The following NT5DC1 variants were observed in gnomAD, a reference collection of about 807,000 sequenced individuals.
The protein encoded by NT5DC1 is 5'-nucleotidase domain containing 1.
Under a neutral mutation model 59.4 loss-of-function variants are expected in NT5DC1, and 42 were observed. The observed-to-expected ratio is 0.71, with a 90% CI of 0.55 to 0.92. The LOEUF is 0.92. NT5DC1 is among the 40% of genes least tolerant of loss of function. The pLI is 0.00. For synonymous variants in NT5DC1, 172 were observed against 188.1 expected, an observed-to-expected ratio of 0.91 and a Z score of 0.70; for missense variants, 501 against 537.1, an observed-to-expected ratio of 0.93 and a Z score of 0.66.
chr6:116,133,916 T>C lies in NT5DC1; in HGVS notation c.529+15971T>C, dbSNP rs183276238. On this transcript the variant is annotated intron_variant, in intron 6 of 11. Transcript: ENST00000319550. ...ATATACTATAGAGATATAATAACCA[T>C]TAATAGTGGTTTTTTTCCCCCAGTG... is the stretch of plus-strand genomic sequence containing the variant. 2.6e-3 allele frequency among the ~76,000 whole-genome samples: 395 copies of C among 152,304 alleles called. 10 individuals carry two copies. The South Asian group carries it at 0.043, about 17-fold the overall frequency.
intron 4 of NT5DC1, among the ~76,000 whole-genome samples, chr6:116,113,487 T>C (rs1473097201): frequency 6.6e-6 from 1 of 152,224 alleles, no homozygotes; most frequent in East Asian, 1.9e-4. Flanking sequence ...CAATGAGCTG[T>C]CTCTTCTATA....
At chr6:116,151,308 A>G (rs537250680) in intron 6 of NT5DC1, among the ~76,000 whole-genome samples, 1 of 152,338 alleles carries the variant, frequency 6.6e-6, no homozygotes, top group East Asian at 1.9e-4. Context: ...ACATTCATAC[A>G]TGCAAGTGCA....
chr6:116,220,987 G>A, intron 6 of NT5DC1, 67 bp from the exon 7 acceptor site: 1 of 764,630 alleles, frequency 1.3e-6, no homozygotes, highest in Non-Finnish European at 2.2e-6. Context: ...AGATTAACTT[G>A]TTAGAGAATA....
rs568455010 is a variant in NT5DC1 at position 116,237,668 on chromosome 6, A to G, written c.922-519A>G. 166 of 346,350 alleles carry G rather than the reference A, an allele frequency of 4.8e-4. 1 individual carries two copies. The highest frequency in any genetic ancestry group is 3.4e-3 in the African/African-American group (157 of 46,758). 21.5% of individuals were successfully genotyped at this position (346,350 alleles called of 1,614,324 possible). Reference sequence around the variant, plus strand: ...TGGACTCAATCAATGGAGTCCTCAGACTCCATTGCCTCAGACTACCTAGGG... The same window carrying G: ...TGGACTCAATCAATGGAGTCCTCAGGCTCCATTGCCTCAGACTACCTAGGG... On this transcript the variant is annotated intron_variant, in intron 9 of 11. Transcript: ENST00000319550.
In NT5DC1 at chr6:116,163,784, G is replaced by C. The variant is rs556484459; in HGVS notation, c.529+45839G>C. Among the ~76,000 whole-genome samples, 7 of 152,204 alleles carry C rather than the reference G, an allele frequency of 4.6e-5. No homozygotes were observed. The South Asian group carries it at 1.5e-3, about 32-fold the overall frequency. The stretch of plus-strand genomic sequence containing the variant: ...CTTTCCTCTTAACACTGCTTTTGCT[G>C]TATCCTAGATTTGATATGTTACATG... On this transcript the variant is annotated intron_variant, in intron 6 of 11. Coordinates refer to ENST00000319550, the MANE Select transcript of NT5DC1 (RefSeq NM_152729.3).
intron 8 of NT5DC1, among the ~76,000 whole-genome samples, chr6:116,224,128 A>T (rs1781863328): frequency 1.3e-5 from 2 of 152,154 alleles, no homozygotes; most frequent in South Asian, 4.1e-4. Flanking sequence ...CTACTTTCCC[A>T]TGGCCACACA....
intron 6 of NT5DC1, among the ~76,000 whole-genome samples, chr6:116,198,456 A>G (rs1455232377): frequency 6.6e-6 from 1 of 152,056 alleles, no homozygotes; most frequent in Non-Finnish European, 1.5e-5. Flanking sequence ...GTGGCTGGGT[A>G]TAGTGACTCA....
intron 6 of NT5DC1, chr6:116,121,290 C>T (rs374379874): frequency 1.2e-6 from 2 of 1,614,012 alleles, no homozygotes; most frequent in Non-Finnish European, 1.7e-6. Flanking sequence ...CCTGGAATCC[C>T]TGGCTGGCCT....
intron 6 of NT5DC1, among the ~76,000 whole-genome samples, chr6:116,182,388 C>G (rs1780903485): frequency 6.6e-6 from 1 of 152,012 alleles, no homozygotes; most frequent in South Asian, 2.1e-4. Flanking sequence ...TTCTTTTCCT[C>G]TGGGTAGATA....
intron 6 of NT5DC1, chr6:116,120,970 A>G (rs1554193096): frequency 1.2e-6 from 2 of 1,613,618 alleles, no homozygotes; most frequent in Non-Finnish European, 1.7e-6. Context: ...CATCTGACCC[A>G]GGGGAACCCC....
chr6:116,136,116 G>A (rs1197360612), intron 6 of NT5DC1, among the ~76,000 whole-genome samples: 1 of 151,982 alleles, frequency 6.6e-6, no homozygotes, highest in Non-Finnish European at 1.5e-5. Flanking sequence ...GCCCTTGGCA[G>A]CCACCATTCT....
chr6:116,150,349 G>A (rs562951229), intron 6 of NT5DC1, among the ~76,000 whole-genome samples: 1 of 152,092 alleles, frequency 6.6e-6, no homozygotes, highest in African/African-American at 2.4e-5. Flanking sequence ...GCAGTGGCAT[G>A]TCTTGGCTCA....
At chr6:116,149,957 C>T (rs1779996540) in intron 6 of NT5DC1, among the ~76,000 whole-genome samples, 1 of 152,232 alleles carries the variant, frequency 6.6e-6, no homozygotes, top group Admixed American at 6.5e-5. Context: ...AGTGTTGCTA[C>T]ATTGGTGTAC....
At chr6:116,220,326 A>G (rs979168964) in intron 6 of NT5DC1, among the ~76,000 whole-genome samples, 1 of 152,024 alleles carries the variant, frequency 6.6e-6, no homozygotes, top group Non-Finnish European at 1.5e-5. Context: ...GTCAAGCACT[A>G]TGGGTAAGTC....
Position 116,160,943 on chromosome 6 carries a change from G to A in NT5DC1, c.529+42998G>A, listed in dbSNP as rs372108081. Among the ~76,000 whole-genome samples the A allele has an allele frequency of 4.9e-3, 744 of 151,758 alleles. 12 individuals are homozygous for A. The highest frequency in any genetic ancestry group is 0.038 in the South Asian group (180 of 4,730). ...ATAGCAAAGACTTGGAACCAACCCA[G>A]ATGTCCAACAATGATAGACTGGATT... On this transcript the variant is annotated intron_variant, in intron 6 of 11. Coordinates refer to ENST00000319550, the MANE Select transcript of NT5DC1 (RefSeq NM_152729.3).
Position 116,248,023 on chromosome 6 carries a change from TAAATC to T in NT5DC1, c.*4002_*4006del, listed in dbSNP as rs1364916230. 6.6e-6 allele frequency: 1 copy of T among 152,238 alleles called. No individual in the cohort carries two copies. The highest frequency in any genetic ancestry group is 1.5e-5 in the Non-Finnish European group (1 of 68,036). 9.4% of individuals were successfully genotyped at this position (152,238 alleles called of 1,614,324 possible). A position where few individuals can be genotyped will look rare whatever the true frequency, so the allele number is the denominator to read the frequency against. ...TCTGTAACTGTATGGAGTCCTGTAT[TAAATC>T]AAGTGATAAAATGTACCCTTCTCAA... On this transcript the variant is annotated 3_prime_UTR_variant, in exon 12 of 12. Coordinates refer to ENST00000319550, the MANE Select transcript of NT5DC1 (RefSeq NM_152729.3).
At position 116,247,608 on chromosome 6, in the gene NT5DC1, CCAAT is replaced by C. The variant is rs1477180395; in HGVS notation, c.*3587_*3590del. The C allele has an allele frequency of 3.3e-5, 5 of 152,132 alleles. No homozygotes were observed. Among genetic ancestry groups the C allele is most frequent in the African/African-American group, 1.2e-4 (5 of 41,432 alleles). The allele number at this position is 152,132 out of a possible 1,614,324, so 9.4% of individuals were successfully genotyped here. A position where few individuals can be genotyped will look rare whatever the true frequency, so the allele number is the denominator to read the frequency against. ...ACTGGAAAAGTACATAGACTGCTTG[CCAAT>C]CAGTTTGTTGTACCATGTACCTGTT... is the stretch of plus-strand genomic sequence containing the variant. On this transcript the variant is annotated 3_prime_UTR_variant, in exon 12 of 12. Transcript: ENST00000319550.
chr6:116,118,424 C>T (rs913145660), intron 6 of NT5DC1, among the ~76,000 whole-genome samples: 1 of 152,134 alleles, frequency 6.6e-6, no homozygotes, highest in Non-Finnish European at 1.5e-5. Flanking sequence ...CACAGCTTTG[C>T]TTGGATTACA....
At chr6:116,162,713 A>C (rs191965281) in intron 6 of NT5DC1, among the ~76,000 whole-genome samples, 172 of 152,310 alleles carry the variant, frequency 1.1e-3, no homozygotes, top group Non-Finnish European at 2.1e-3. Context: ...TACGTTCATC[A>C]GGGATATTGG....
Sources: gnomAD v4.1 joint callset for allele counts (sites outside exome capture counted in the v4.1 genomes callset) on GRCh38, gnomAD v4.1.1 for gene constraint, MANE v1.5 for transcripts, NCBI Gene and HGNC (gene_info 2026-07-23, HGNC 2026-07-21) for gene names.